Variants in GNPNAT1 observed in about 807,000 individuals in gnomAD.
GNPNAT1 encodes glucosamine-phosphate N-acetyltransferase 1, also known as glucosamine 6-phosphate N-acetyltransferase.
A neutral mutation model predicts 19.8 loss-of-function variants in GNPNAT1; 11 were observed. The observed-to-expected ratio is 0.56, with a 90% CI of 0.35 to 0.92. The LOEUF is 0.92. GNPNAT1 is among the 40% of genes least tolerant of loss of function. GNPNAT1 has a pLI of 0.01. For missense variants in GNPNAT1, 157 were observed against 211.0 expected, an observed-to-expected ratio of 0.74 and a Z score of 1.59; for synonymous variants, 71 against 72.3, an observed-to-expected ratio of 0.98 and a Z score of 0.09.
chr14:52,783,080 GTA>G (rs1372007122), intron 3 of GNPNAT1, among the ~76,000 whole-genome samples: 3 of 151,964 alleles, frequency 2.0e-5, no homozygotes, highest in African/African-American at 4.8e-5. Flanking sequence ...AATTTAAAGC[GTA>G]TAGTCTTGCT....
At chr14:52,789,279 T>C (rs1031995588) in intron 1 of GNPNAT1, among the ~76,000 whole-genome samples, 30 of 152,348 alleles carry the variant, frequency 2.0e-4, no homozygotes, top group African/African-American at 7.0e-4. Flanking sequence ...CCAGTCCTGC[T>C]AGGTAGTATG....
rs962544972 is a variant in GNPNAT1, at chr14:52,788,399, T to G, written c.-15+3029A>C. Among the ~76,000 whole-genome samples the G allele has an allele frequency of 2.0e-5, 3 of 152,124 alleles. No homozygotes were observed. The South Asian group carries it at 6.2e-4, about 32-fold the overall frequency. ...TCCTCCAGCCTCAGCCTCCCAAAGT[T>G]CTGGAATTACAAGTGTGAACCAGCA... On this transcript the variant is annotated intron_variant, in intron 1 of 5. Coordinates refer to ENST00000216410, the MANE Select transcript of GNPNAT1 (RefSeq NM_198066.4).
chr14:52,784,667 A>T lies in GNPNAT1; in HGVS notation c.-14-3T>A. ...AGGTTTCATTTTTCTAGTAAGGTCTAAAATAAAAATTTGAATATTAAGTCA... is the reference window on the plus strand; with the variant it reads ...AGGTTTCATTTTTCTAGTAAGGTCTTAAATAAAAATTTGAATATTAAGTCA... On this transcript the variant is annotated splice_region_variant and splice_polypyrimidine_tract_variant and intron_variant, in intron 1 of 5. Coordinates refer to ENST00000216410, the MANE Select transcript of GNPNAT1 (RefSeq NM_198066.4). The T allele has an allele frequency of 7.3e-7, 1 of 1,373,830 alleles. No homozygotes were observed. The highest frequency in any genetic ancestry group is 9.9e-7 in the Non-Finnish European group (1 of 1,007,932). 85.1% of individuals were successfully genotyped at this position (1,373,830 alleles called of 1,614,324 possible). A position where few individuals can be genotyped will look rare whatever the true frequency, so the allele number is the denominator to read the frequency against.
intron 5 of GNPNAT1, among the ~76,000 whole-genome samples, chr14:52,778,746 A>G (rs906550765): frequency 6.6e-6 from 1 of 152,166 alleles, no homozygotes; most frequent in South Asian, 2.1e-4. Flanking sequence ...GGCTAGGTGC[A>G]GTGACTCATA....
chr14:52,783,880 G>A (rs1250049097), intron 2 of GNPNAT1, among the ~76,000 whole-genome samples: 1 of 152,128 alleles, frequency 6.6e-6, no homozygotes. Flanking sequence ...TAAAGTATAA[G>A]TAACACTGTT....
At chr14:52,784,402 C>A in intron 2 of GNPNAT1, 95 bp downstream of exon 2, 1 of 1,033,582 alleles carries the variant, frequency 9.7e-7, no homozygotes, top group Non-Finnish European at 1.3e-6. Flanking sequence ...AAAAATAGTC[C>A]AAAAGTCAAA....
At chr14:52,781,543 C>A (rs1882894981) in intron 4 of GNPNAT1, among the ~76,000 whole-genome samples, 1 of 151,986 alleles carries the variant, frequency 6.6e-6, no homozygotes. Flanking sequence ...GGATTTTGTG[C>A]ATTACTGCTA....
intron 5 of GNPNAT1, 68 bp downstream of exon 5, chr14:52,780,611 A>C: frequency 1.1e-6 from 1 of 927,350 alleles, no homozygotes; most frequent in Admixed American, 1.8e-5. Flanking sequence ...AACTTCAAAC[A>C]AGTATCTTGT....
intron 4 of GNPNAT1, among the ~76,000 whole-genome samples, chr14:52,781,555 G>A (rs1395590804): frequency 6.6e-6 from 1 of 151,994 alleles, no homozygotes; most frequent in Non-Finnish European, 1.5e-5. Context: ...TTACTGCTAA[G>A]TTGTTTGGTT....
rs990043993 is a variant in GNPNAT1 at position 52,791,209 on chromosome 14, C to T, written c.-15+219G>A. Among the ~76,000 whole-genome samples, 22 of 152,202 alleles carry T rather than the reference C, an allele frequency of 1.4e-4. No individual in the cohort carries two copies. The highest frequency in any genetic ancestry group is 1.4e-3 in the Admixed American group (22 of 15,280). ...CGGACCGCTGGCCATCATCCTTAACCTCTGCTCCAGGCGCGCGTGCGTTCA... is the reference window on the plus strand; with the variant it reads ...CGGACCGCTGGCCATCATCCTTAACTTCTGCTCCAGGCGCGCGTGCGTTCA... On this transcript the variant is annotated intron_variant, in intron 1 of 5. Coordinates refer to ENST00000216410, the MANE Select transcript of GNPNAT1 (RefSeq NM_198066.4). The surrounding 1 kb of genome is among the most constrained non-coding windows in gnomAD (Gnocchi z 4.1).
Position 52,782,243 on chromosome 14 carries a change from A to G in GNPNAT1, c.218-332T>C, listed in dbSNP as rs751441875. Reference sequence around the variant, plus strand: ...ACTTCAATTTCTTCATTTACTTTAAATAGATCTCTTTAACTTTTATACTCA... The same window carrying G: ...ACTTCAATTTCTTCATTTACTTTAAGTAGATCTCTTTAACTTTTATACTCA... On this transcript the variant is annotated intron_variant, in intron 3 of 5. Transcript: ENST00000216410. 1.3e-4 allele frequency among the ~76,000 whole-genome samples: 20 copies of G among 150,546 alleles called. 1 individual carries two copies. Among genetic ancestry groups the G allele is most frequent in the Non-Finnish European group, 2.7e-4 (18 of 67,516 alleles).
intron 1 of GNPNAT1, among the ~76,000 whole-genome samples, chr14:52,789,875 TAGC>T (rs919428291): frequency 2.7e-5 from 4 of 150,836 alleles, no homozygotes; most frequent in African/African-American, 9.8e-5. Flanking sequence ...ACTGCTAAAT[TAGC>T]AGGCGTTTAG....
intron 1 of GNPNAT1, among the ~76,000 whole-genome samples, chr14:52,786,585 G>A (rs1005328077): frequency 6.6e-6 from 1 of 152,172 alleles, no homozygotes; most frequent in Admixed American, 6.5e-5. Context: ...TGTTTTTCAT[G>A]CTATTGAAAA....
chr14:52,786,374 G>C (rs1467794511), intron 1 of GNPNAT1, among the ~76,000 whole-genome samples: 1 of 151,690 alleles, frequency 6.6e-6, no homozygotes, highest in African/African-American at 2.4e-5. Flanking sequence ...TGTGGTGGTG[G>C]CCACCTGTAA....
intron 3 of GNPNAT1, among the ~76,000 whole-genome samples, 171 bp from the exon 4 acceptor site, chr14:52,782,082 AT>A (rs1304290190): frequency 6.6e-6 from 1 of 152,110 alleles, no homozygotes; most frequent in Non-Finnish European, 1.5e-5. Flanking sequence ...AATATCAGCA[AT>A]TAGTATCAAT....
At chr14:52,789,150 C>G (rs1883091648) in intron 1 of GNPNAT1, among the ~76,000 whole-genome samples, 1 of 152,210 alleles carries the variant, frequency 6.6e-6, no homozygotes, top group Non-Finnish European at 1.5e-5. Context: ...AGCCCCTGAC[C>G]TGTGCCGTTA....
In GNPNAT1 at chr14:52,778,234, A is replaced by G. The variant is rs1475110493; in HGVS notation, c.*77T>C. The G allele has an allele frequency of 1.8e-6, 2 of 1,142,826 alleles. No individual in the cohort carries two copies. The highest frequency in any genetic ancestry group is 2.5e-6 in the Non-Finnish European group (2 of 816,018). The allele number at this position is 1,142,826 out of a possible 1,614,324, so 70.8% of individuals were successfully genotyped here. ...GTATTTATGGAGGTCACTCGGCTGCAGCAACAAAATATTTCAACTCTAGGA... is the reference window on the plus strand; with the variant it reads ...GTATTTATGGAGGTCACTCGGCTGCGGCAACAAAATATTTCAACTCTAGGA... On this transcript the variant is annotated 3_prime_UTR_variant, in exon 6 of 6. Transcript: ENST00000216410.
Position 52,776,204 on chromosome 14 carries a change from G to C in GNPNAT1, c.*2107C>G, listed in dbSNP as rs1181654970. ...AACAACAAAAGGCTATCTATTGTGG[G>C]TACACTGCCTATGGGGTAGTCCTGC... On this transcript the variant is annotated 3_prime_UTR_variant, in exon 6 of 6. Coordinates refer to ENST00000216410, the MANE Select transcript of GNPNAT1 (RefSeq NM_198066.4). The C allele has an allele frequency of 1.3e-5, 2 of 151,982 alleles. No individual in the cohort carries two copies. Among genetic ancestry groups the C allele is most frequent in the African/African-American group, 4.8e-5 (2 of 41,344 alleles). The allele number at this position is 151,982 out of a possible 1,614,324, so 9.4% of individuals were successfully genotyped here.
chr14:52,781,690 T>A, intron 4 of GNPNAT1, 94 bp downstream of exon 4: 2 of 1,216,404 alleles, frequency 1.6e-6, no homozygotes, highest in Non-Finnish European at 2.3e-6. Flanking sequence ...TAAGAGGCAC[T>A]GAAAATCAAT....
Sources: allele counts gnomAD v4.1 joint callset (sites outside exome capture counted in the v4.1 genomes callset), GRCh38; gene constraint gnomAD v4.1.1; non-coding constraint Gnocchi (gnomAD v3.1); transcripts MANE v1.5; gene names NCBI Gene and HGNC (gene_info 2026-07-23, HGNC 2026-07-21).